Variants in TLL1 observed in about 807,000 individuals in gnomAD.
The protein encoded by TLL1 is tolloid like 1.
In TLL1, 49 loss-of-function variants were observed where a neutral mutation model predicts 128.2. The ratio of observed to expected loss-of-function variants is 0.38; its 90% CI spans 0.30 to 0.48. The LOEUF (loss-of-function observed/expected upper bound fraction) is 0.48, where lower values mean the gene tolerates loss of function less well. Ranked by LOEUF, TLL1 falls within the 20% of genes least tolerant of loss-of-function variation. The pLI is 0.96. For missense variants in TLL1, 1,123 were observed against 1,242.0 expected, an observed-to-expected ratio of 0.90 and a Z score of 1.44; for synonymous variants, 454 against 418.8, an observed-to-expected ratio of 1.08 and a Z score of -1.03.
At chr4:165,878,219 A>G (rs1441352178) in intron 1 of TLL1, among the ~76,000 whole-genome samples, 1 of 152,024 alleles carries the variant, frequency 6.6e-6, no homozygotes, top group Admixed American at 6.6e-5. Context: ...CCATATCTTT[A>G]TTCCATCATA....
chr4:166,028,642 A>G (rs1212451277), intron 9 of TLL1, among the ~76,000 whole-genome samples: 1 of 151,920 alleles, frequency 6.6e-6, no homozygotes, highest in Admixed American at 6.6e-5. Context: ...TGTTTTATAT[A>G]TGTTTATGCT....
chr4:165,915,008 C>G (rs1232836530), intron 1 of TLL1, among the ~76,000 whole-genome samples: 1 of 152,176 alleles, frequency 6.6e-6, no homozygotes, highest in African/African-American at 2.4e-5. Context: ...TCAAACTCTT[C>G]CCACCAGAAT....
chr4:165,968,874 G>A (rs1229489341), intron 1 of TLL1, among the ~76,000 whole-genome samples: 1 of 151,950 alleles, frequency 6.6e-6, no homozygotes, highest in Non-Finnish European at 1.5e-5. Flanking sequence ...TTGAGTCAAA[G>A]AAATACTGAT....
At chr4:166,060,251 G>GA (rs1740242632) in intron 15 of TLL1, 63 bp downstream of exon 15, 7 of 1,473,994 alleles carry the variant, frequency 4.7e-6, no homozygotes, top group Admixed American at 1.9e-5. Flanking sequence ...GGCAAACTGT[G>GA]AAATTAAAAA....
intron 1 of TLL1, among the ~76,000 whole-genome samples, chr4:165,890,021 T>A (rs935272848): frequency 2.0e-5 from 3 of 152,062 alleles, no homozygotes; most frequent in Admixed American, 1.3e-4. Flanking sequence ...CTCAGGACAC[T>A]AACAGTCATG....
intron 16 of TLL1, among the ~76,000 whole-genome samples, chr4:166,070,800 T>A (rs1000029028): frequency 6.6e-6 from 1 of 151,952 alleles, no homozygotes; most frequent in Admixed American, 6.6e-5. Flanking sequence ...TCTTGTCCAC[T>A]GTTTCTCTCA....
chr4:166,001,036 T>C (rs78214547), intron 5 of TLL1, among the ~76,000 whole-genome samples: 2,227 of 151,518 alleles, frequency 0.015, 54 homozygotes, highest in African/African-American at 0.051. Context: ...AAAAAAAGGG[T>C]AGGGGGAGAG....
chr4:165,921,984 T>C (rs1733063491), intron 1 of TLL1, among the ~76,000 whole-genome samples: 1 of 152,036 alleles, frequency 6.6e-6, no homozygotes, highest in South Asian at 2.1e-4. Context: ...ATGGCAAAGA[T>C]AAATTTTAGG....
chr4:166,102,096 G>T lies in TLL1; in HGVS notation c.*1220G>T, dbSNP rs377701453. The T allele has an allele frequency of 1.3e-5, 2 of 152,422 alleles. No individual in the cohort carries two copies. The highest frequency in any genetic ancestry group is 1.9e-4 in the East Asian group (1 of 5,174). 9.4% of individuals were successfully genotyped at this position (152,422 alleles called of 1,614,324 possible). A position where few individuals can be genotyped will look rare whatever the true frequency, so the allele number is the denominator to read the frequency against. On this transcript the variant is annotated 3_prime_UTR_variant, in exon 21 of 21. Transcript: ENST00000061240. ...TAAAGACTTGTCAAATATATCAAGA[G>T]TATATCATTGCAAGGGCAGCACTTG...
intron 1 of TLL1, among the ~76,000 whole-genome samples, chr4:165,905,273 A>G (rs77597882): frequency 0.02 from 3,038 of 152,324 alleles, 74 homozygotes; most frequent in East Asian, 0.1. Context: ...TTTTATACCT[A>G]ATAGTCCCAA....
intron 15 of TLL1, among the ~76,000 whole-genome samples, chr4:166,060,414 TG>T (rs1487687442): frequency 6.6e-6 from 1 of 152,122 alleles, no homozygotes; most frequent in Non-Finnish European, 1.5e-5. Flanking sequence ...TTTTATTTAG[TG>T]TATTTAATAT....
chr4:166,100,862 C>T lies in TLL1; in HGVS notation c.3028C>T (p.His1010Tyr). Residue 1010 changes from histidine to tyrosine, a missense_variant, in exon 21 of 21, where the codon CAT (histidine) becomes TAT (tyrosine). His to Tyr is a moderately conservative substitution (Grantham distance 83). Coordinates refer to ENST00000061240, the MANE Select transcript of TLL1 (RefSeq NM_012464.5). Reference sequence around the variant, plus strand: ...AAGCATAAGATATCCAGATACCACACATACCAAAAAATAACACCAAAACCT... The same window carrying T: ...AAGCATAAGATATCCAGATACCACATATACCAAAAAATAACACCAAAACCT... ...YKSIRYPDTT[H>Y]TKK The T allele has an allele frequency of 3.7e-6, 6 of 1,612,566 alleles. No homozygotes were observed. Among genetic ancestry groups the T allele is most frequent in the Non-Finnish European group, 5.1e-6 (6 of 1,179,218 alleles).
intron 1 of TLL1, among the ~76,000 whole-genome samples, chr4:165,916,247 C>T (rs369347107): frequency 1.3e-5 from 2 of 152,162 alleles, no homozygotes; most frequent in Admixed American, 1.3e-4. Context: ...TCTTATAAAG[C>T]CATTTTGCTT....
In TLL1 at chr4:166,057,211, G is replaced by A. The variant is rs141877254; in HGVS notation, c.1748G>A (p.Arg583His). 1.1e-4 allele frequency: 183 copies of A among 1,613,868 alleles called. No individual in the cohort carries two copies. The highest frequency in any genetic ancestry group is 7.8e-4 in the East Asian group (35 of 44,824). ...KEEDECAKPD[R>H]GGCEQRCLNT... ...GAAGATGAGTGTGCCAAACCTGACC[G>A]TGGAGGCTGTGAGCAGCGATGTCTG... The change falls in exon 14 of 21, where the codon CGT (arginine) becomes CAT (histidine). Residue 583 changes from arginine (R) to histidine (H), a missense_variant. Transcript: ENST00000061240.
chr4:165,879,323 A>G (rs1374603888), intron 1 of TLL1, among the ~76,000 whole-genome samples: 1 of 152,068 alleles, frequency 6.6e-6, no homozygotes, highest in Non-Finnish European at 1.5e-5. Context: ...TCTATTGTGT[A>G]TGCAGGAATC....
At chr4:166,093,604 CT>C (rs1741881984) in intron 19 of TLL1, among the ~76,000 whole-genome samples, 1 of 152,128 alleles carries the variant, frequency 6.6e-6, no homozygotes, top group Non-Finnish European at 1.5e-5. Context: ...CTGCAAGAGG[CT>C]TTCCTCTTTT....
At chr4:166,018,331 A>G (rs1738048302) in intron 8 of TLL1, among the ~76,000 whole-genome samples, 2 of 152,172 alleles carry the variant, frequency 1.3e-5, no homozygotes, top group African/African-American at 4.8e-5. Context: ...TTTAAATGTG[A>G]GACCTCAAAC....
chr4:165,935,319 C>A (rs923841509), intron 1 of TLL1, among the ~76,000 whole-genome samples: 6 of 152,156 alleles, frequency 3.9e-5, no homozygotes, highest in African/African-American at 1.4e-4. Context: ...TGCTTAGTTA[C>A]CTTAGGAACA....
chr4:165,996,126 T>G (rs1736864059), intron 5 of TLL1, among the ~76,000 whole-genome samples: 1 of 152,152 alleles, frequency 6.6e-6, no homozygotes. Context: ...TCTTTCATTC[T>G]TACCCATTCC....
Sources: allele counts gnomAD v4.1 joint callset (sites outside exome capture counted in the v4.1 genomes callset), GRCh38; gene constraint gnomAD v4.1.1; transcripts MANE v1.5; gene names NCBI Gene and HGNC (gene_info 2026-07-23, HGNC 2026-07-21).